Variants in JPH3 observed in about 807,000 individuals in gnomAD.
JPH3 encodes junctophilin-3.
Under a neutral mutation model 59.6 loss-of-function variants are expected in JPH3, and 11 were observed. The ratio of observed to expected loss-of-function variants is 0.18; its 90% CI spans 0.12 to 0.31. The LOEUF (loss-of-function observed/expected upper bound fraction) is 0.31. Among genes scored for constraint, JPH3 ranks in the 10% least tolerant of loss-of-function variants. The pLI is 1.00. For missense variants in JPH3, 1,202 were observed against 1,105.7 expected (o/e 1.09, Z -1.24); for synonymous variants, 673 against 483.6 (o/e 1.39, Z -5.14).
chr16:87,604,436 C>G, intron 1 of JPH3: 1 of 1,384,206 alleles, frequency 7.2e-7, no homozygotes, highest in Non-Finnish European at 9.5e-7. Context: ...GGAGCCGGTC[C>G]TTTCCTGGAA....
At chr16:87,643,374 G>T (rs367922792) in intron 1 of JPH3, among the ~76,000 whole-genome samples, 1 of 141,764 alleles carries the variant, frequency 7.1e-6, no homozygotes. Flanking sequence ...AGCTGCTGCA[G>T]TCCCCACCCT....
intron 2 of JPH3, among the ~76,000 whole-genome samples, chr16:87,678,861 G>A (rs1274355103): frequency 6.6e-6 from 1 of 152,226 alleles, no homozygotes; most frequent in African/African-American, 2.4e-5. Flanking sequence ...AACGCCGAGG[G>A]CGCCAGCAGC....
At chr16:87,606,052 G>T (rs1228059180) in intron 1 of JPH3, among the ~76,000 whole-genome samples, 1 of 152,216 alleles carries the variant, frequency 6.6e-6, no homozygotes, top group East Asian at 1.9e-4. Context: ...TGGGAAGGGG[G>T]TGATTATGGC....
chr16:87,640,604 C>T (rs549657129), intron 1 of JPH3, among the ~76,000 whole-genome samples: 5 of 152,014 alleles, frequency 3.3e-5, no homozygotes, highest in Admixed American at 6.5e-5. Flanking sequence ...TGTTGGCCAG[C>T]GTGGTCTCTA....
intron 1 of JPH3, chr16:87,604,726 G>C (rs989237210): frequency 9.8e-7 from 1 of 1,023,410 alleles, no homozygotes; most frequent in East Asian, 6.4e-5. Flanking sequence ...GTGGCAGGGG[G>C]CTGGAGAGTA....
rs142310848 is a variant in JPH3, at chr16:87,644,691, G to A, written c.816G>A (p.Glu272=). ...TCAGCCTGGGCGAGGCTGAGGCCGA[G>A]CTGGCGGTCATCGAGGACGACATCG... is the stretch of plus-strand genomic sequence containing the variant. ...STISLGEAEA[E]LAVIEDDIDA... is the part of the protein sequence containing the mutation. The change falls in exon 2 of 5, where the codon GAG becomes GAA. Residue 272 remains glutamate, a synonymous_variant. Transcript: ENST00000284262. 9 of 1,612,090 alleles carry A rather than the reference G, an allele frequency of 5.6e-6. No homozygotes were observed. Among genetic ancestry groups the A allele is most frequent in the Middle Eastern group, 1.6e-4 (1 of 6,084 alleles).
At chr16:87,679,750 C>T (rs927045668) in intron 2 of JPH3, among the ~76,000 whole-genome samples, 1 of 152,258 alleles carries the variant, frequency 6.6e-6, no homozygotes, top group Non-Finnish European at 1.5e-5. Flanking sequence ...GGGTGGCCAC[C>T]ATCTGGGAGG....
intron 3 of JPH3, among the ~76,000 whole-genome samples, chr16:87,689,413 C>T (rs1050763237): frequency 6.6e-6 from 1 of 152,176 alleles, no homozygotes; most frequent in Admixed American, 6.5e-5. Context: ...CCTGTGGTGC[C>T]TGGGCCTAGC....
chr16:87,686,723 G>T (rs1013738373), intron 3 of JPH3, among the ~76,000 whole-genome samples: 1 of 152,238 alleles, frequency 6.6e-6, no homozygotes, highest in Non-Finnish European at 1.5e-5. Context: ...ATTCAGAGGA[G>T]ATGCTTCCTG....
intron 2 of JPH3, among the ~76,000 whole-genome samples, chr16:87,658,234 A>G (rs1243096047): frequency 6.6e-6 from 1 of 152,130 alleles, no homozygotes; most frequent in African/African-American, 2.4e-5. Flanking sequence ...GGGCTACCAA[A>G]CAGTGCACGG....
intron 4 of JPH3, among the ~76,000 whole-genome samples, chr16:87,693,102 C>T (rs996173523): frequency 5.9e-5 from 9 of 152,234 alleles, no homozygotes; most frequent in Non-Finnish European, 1.2e-4. Flanking sequence ...CCTGAGGCCA[C>T]GATGCCACGG....
chr16:87,609,468 T>C (rs1275674864), intron 1 of JPH3, among the ~76,000 whole-genome samples: 2 of 152,142 alleles, frequency 1.3e-5, no homozygotes, highest in Non-Finnish European at 2.9e-5. Context: ...TGTTTTGCCA[T>C]GTTGGCCAGG....
chr16:87,645,755 G>T (rs80287182), intron 2 of JPH3, among the ~76,000 whole-genome samples: 2,216 of 152,260 alleles, frequency 0.015, 22 homozygotes, highest in Non-Finnish European at 0.023. Flanking sequence ...AGGTGCCCAG[G>T]GTCTGGCTCC....
intron 1 of JPH3, among the ~76,000 whole-genome samples, chr16:87,630,390 C>A (rs1019040062): frequency 6.6e-6 from 1 of 152,200 alleles, no homozygotes; most frequent in African/African-American, 2.4e-5. Flanking sequence ...GACCCCTCTC[C>A]CCTTGTCCTT....
rs770562628 is a variant in JPH3 at position 87,690,360 on chromosome 16, C to G, written c.2000C>G (p.Pro667Arg). The change falls in exon 4 of 5, where the codon CCG becomes CGG. Residue 667 changes from proline to arginine, a missense_variant. By Grantham distance (103) the Pro-to-Arg change is moderately radical. Transcript: ENST00000284262. ...SKAQNKENFRPASSAEPAVQK... is the reference protein window; with the variant it reads ...SKAQNKENFRRASSAEPAVQK... The stretch of plus-strand genomic sequence containing the variant: ...GCCCAGAACAAGGAGAACTTCAGGC[C>G]GGCCTCCTCCGCGGAGCCCGCCGTG... The G allele has an allele frequency of 6.4e-7, 1 of 1,553,460 alleles. No individual in the cohort carries two copies. Among genetic ancestry groups the G allele is most frequent in the African/African-American group, 1.4e-5 (1 of 72,614 alleles).
At chr16:87,615,932 G>A (rs1032449195) in intron 1 of JPH3, among the ~76,000 whole-genome samples, 1 of 152,190 alleles carries the variant, frequency 6.6e-6, no homozygotes, top group African/African-American at 2.4e-5. Flanking sequence ...TCAATCAGGC[G>A]AGCTCTGAGC....
intron 2 of JPH3, among the ~76,000 whole-genome samples, chr16:87,660,529 C>T (rs957111031): frequency 6.6e-6 from 1 of 152,216 alleles, no homozygotes; most frequent in African/African-American, 2.4e-5. Flanking sequence ...ACTGCTCATG[C>T]TTCTGTCCTG....
intron 2 of JPH3, among the ~76,000 whole-genome samples, chr16:87,658,820 G>T (rs1049561324): frequency 6.6e-6 from 1 of 152,244 alleles, no homozygotes; most frequent in African/African-American, 2.4e-5. Flanking sequence ...GGCTTGCTGT[G>T]GGGCTGGTGC....
chr16:87,675,504 G>A (rs987079233), intron 2 of JPH3, among the ~76,000 whole-genome samples: 1 of 152,202 alleles, frequency 6.6e-6, no homozygotes, highest in Non-Finnish European at 1.5e-5. Flanking sequence ...GCGGGCAGAT[G>A]AGCCCAGCAG....
Sources: allele counts gnomAD v4.1 joint callset (sites outside exome capture counted in the v4.1 genomes callset), GRCh38; gene constraint gnomAD v4.1.1; transcripts MANE v1.5; gene names NCBI Gene and HGNC (gene_info 2026-07-23, HGNC 2026-07-21).